Variants in TRIM56 observed in about 807,000 individuals in gnomAD.
The protein encoded by TRIM56 is tripartite motif containing 56.
In TRIM56, 10 loss-of-function variants were observed where a neutral mutation model predicts 17.1. That is an observed-to-expected ratio of 0.58 (90% CI 0.36 to 0.99). The LOEUF is 0.99. Ranked by LOEUF, TRIM56 falls within the 50% of genes least tolerant of loss-of-function variation. TRIM56 has a pLI of 0.01. For missense variants in TRIM56, 923 were observed against 1,052.3 expected (o/e 0.88, Z 1.70); for synonymous variants, 503 against 473.5 (o/e 1.06, Z -0.81).
rs762039935 is a variant in TRIM56, at chr7:101,088,642, C to T, written c.1330C>T (p.His444Tyr). Residue 444 changes from histidine (H) to tyrosine (Y), a missense_variant, in exon 3 of 3, where the codon CAC becomes TAC. Coordinates refer to ENST00000306085, the MANE Select transcript of TRIM56 (RefSeq NM_030961.3). ...TLEEDRAQTPHEDGGPQPHRG... is the reference protein window; with the variant it reads ...TLEEDRAQTPYEDGGPQPHRG... ...GGAGGAGGACAGGGCCCAGACACCCCACGAGGATGGAGGACCCCAGCCCCA... is the reference window on the plus strand; with the variant it reads ...GGAGGAGGACAGGGCCCAGACACCCTACGAGGATGGAGGACCCCAGCCCCA... 7 of 1,613,978 alleles carry T rather than the reference C, an allele frequency of 4.3e-6. No homozygotes were observed. The highest frequency in any genetic ancestry group is 3.3e-5 in the Admixed American group (2 of 60,016).
chr7:101,088,444 G>C lies in TRIM56; in HGVS notation c.1132G>C (p.Asp378His), dbSNP rs201302823. 2 of 1,613,566 alleles carry C rather than the reference G, an allele frequency of 1.2e-6. No individual in the cohort carries two copies. The highest frequency in any genetic ancestry group is 1.3e-5 in the African/African-American group (1 of 74,934). The change falls in exon 3 of 3, where the codon GAT becomes CAT. Residue 378 changes from aspartate (D) to histidine (H), a missense_variant. Coordinates refer to ENST00000306085, the MANE Select transcript of TRIM56 (RefSeq NM_030961.3). ...CTTTGAGGAGCAGCAGCCCCAGAAG[G>C]ATGGTGGGAAAGACGGAGCTGGTAC... ...LSFEEQQPQKDGGKDGAGTQG... is the reference protein window; with the variant it reads ...LSFEEQQPQKHGGKDGAGTQG...
chr7:101,087,462 TGGC>T lies in TRIM56; in HGVS notation c.154_156del (p.Gly52del). The T allele has an allele frequency of 6.2e-7, 1 of 1,613,356 alleles. No homozygotes were observed. The highest frequency in any genetic ancestry group is 1.7e-5 in the Admixed American group (1 of 60,012). ...AAGACTGCCTGGCACAGCTGGCGGA[TGGC>T]GGCCGCGTCCGCTGCCCCGAGTGCC... On this transcript the variant is annotated inframe_deletion, in exon 3 of 3. Coordinates refer to ENST00000306085, the MANE Select transcript of TRIM56 (RefSeq NM_030961.3).
rs912796035 is a variant in TRIM56, at chr7:101,091,045, T to A, written c.*1465T>A. 2.0e-5 allele frequency: 3 copies of A among 152,248 alleles called. No homozygotes were observed. The highest frequency in any genetic ancestry group is 7.2e-5 in the African/African-American group (3 of 41,436). The allele number at this position is 152,248 out of a possible 1,614,324, so 9.4% of individuals were successfully genotyped here. ...GAAAACCTAGAAGGTGCAATGGGGC[T>A]GCGACGGATAGAGGTGTCAAACCAG... On this transcript the variant is annotated 3_prime_UTR_variant, in exon 3 of 3. Transcript: ENST00000306085.
At chr7:101,085,765 G>C (rs908665406) in intron 1 of TRIM56, among the ~76,000 whole-genome samples, 194 bp downstream of exon 1, 1 of 152,042 alleles carries the variant, frequency 6.6e-6, no homozygotes, top group African/African-American at 2.4e-5. Flanking sequence ...ACAGGTCCCC[G>C]CAAGAAAGAC....
Position 101,087,866 on chromosome 7 carries a change from C to G in TRIM56, c.554C>G (p.Ser185Ter). The change falls in exon 3 of 3, where the codon TCA becomes TGA. Residue 185 changes from serine to a stop codon, truncating the protein, a stop_gained. Transcript: ENST00000306085. LOFTEE classifies it low-confidence loss of function (END_TRUNC). ...EALRFLCQPC[S>*]QLLCRECRLD... ...CTGCGCTTCCTGTGCCAGCCCTGCT[C>G]ACAGTTGCTGTGCAGAGAGTGCCGC... 2.5e-6 allele frequency: 4 copies of G among 1,605,978 alleles called. No individual in the cohort carries two copies. The highest frequency in any genetic ancestry group is 3.4e-6 in the Non-Finnish European group (4 of 1,177,858).
rs1795545660 is a variant in TRIM56 at position 101,090,612 on chromosome 7, AAAAAAAAAAAAAAAAAACAGAAAC to A, written c.*1035_*1058del. Reference sequence around the variant, plus strand: ...GCATTCCAGACCCCATCTCGAAAAAAAAAAAAAAAAAAAAAAACAGAAACAACAGAAAAAGCAGGTTATCCATCA... The same window carrying A: ...GCATTCCAGACCCCATCTCGAAAAAAAACAGAAAAAGCAGGTTATCCATCA... On this transcript the variant is annotated 3_prime_UTR_variant, in exon 3 of 3. Transcript: ENST00000306085. The A allele has an allele frequency of 6.7e-6, 1 of 150,208 alleles. No individual in the cohort carries two copies. The highest frequency in any genetic ancestry group is 6.6e-5 in the Admixed American group (1 of 15,040). 9.3% of individuals were successfully genotyped at this position (150,208 alleles called of 1,614,324 possible). A position where few individuals can be genotyped will look rare whatever the true frequency, so the allele number is the denominator to read the frequency against.
rs1795643146 is a variant in TRIM56, at chr7:101,095,627, C to T, written c.*6047C>T. The T allele has an allele frequency of 6.6e-6, 1 of 152,130 alleles. No individual in the cohort carries two copies. The highest frequency in any genetic ancestry group is 1.5e-5 in the Non-Finnish European group (1 of 68,024). The allele number at this position is 152,130 out of a possible 1,614,324, so 9.4% of individuals were successfully genotyped here. On this transcript the variant is annotated 3_prime_UTR_variant, in exon 3 of 3. Transcript: ENST00000306085. Reference sequence around the variant, plus strand: ...CGTCACCTGGCTGCAAGAAGATAGTCCCACAGGCGCCCTAGAGATGGGGAT... The same window carrying T: ...CGTCACCTGGCTGCAAGAAGATAGTTCCACAGGCGCCCTAGAGATGGGGAT...
rs1795533902 is a variant in TRIM56 at position 101,089,880 on chromosome 7, T to G, written c.*300T>G. 2 of 339,988 alleles carry G rather than the reference T, an allele frequency of 5.9e-6. No individual in the cohort carries two copies. Among genetic ancestry groups the G allele is most frequent in the Non-Finnish European group, 1.1e-5 (2 of 174,466 alleles). The allele number at this position is 339,988 out of a possible 1,614,324, so 21.1% of individuals were successfully genotyped here. ...CCACCACCGCCGCTGCTATATAGTT[T>G]AGGTTTCTGAGGTTTGTGAGCCTGT... On this transcript the variant is annotated 3_prime_UTR_variant, in exon 3 of 3. Coordinates refer to ENST00000306085, the MANE Select transcript of TRIM56 (RefSeq NM_030961.3).
In TRIM56 at chr7:101,087,831, C is replaced by T. The variant is rs145410552; in HGVS notation, c.519C>T (p.Pro173=). 1.5e-3 allele frequency: 2,332 copies of T among 1,603,680 alleles called. 3 individuals carry two copies. Among genetic ancestry groups the T allele is most frequent in the African/African-American group, 2.0e-3 (152 of 74,932 alleles). The change falls in exon 3 of 3, where the codon CCC becomes CCT. Residue 173 remains proline (P), a synonymous_variant. Transcript: ENST00000306085. The part of the protein sequence containing the change: ...ERQAAQCPQH[P]GEALRFLCQP... ...AAGCGGCCCAGTGTCCCCAGCACCC[C>T]GGGGAGGCACTGCGCTTCCTGTGCC...
Position 101,089,688 on chromosome 7 carries a change from T to C in TRIM56, c.*108T>C, listed in dbSNP as rs1487323653. 1 of 1,119,602 alleles carries C rather than the reference T, an allele frequency of 8.9e-7. No homozygotes were observed. Among genetic ancestry groups the C allele is most frequent in the East Asian group, 2.6e-5 (1 of 38,464 alleles). The allele number at this position is 1,119,602 out of a possible 1,614,324, so 69.4% of individuals were successfully genotyped here. A position where few individuals can be genotyped will look rare whatever the true frequency, so the allele number is the denominator to read the frequency against. On this transcript the variant is annotated 3_prime_UTR_variant, in exon 3 of 3. Transcript: ENST00000306085. ...GGACATTTTCCTGAAGGGCAGGGGT[T>C]GGCAACTTTTCAACATGGAGTGCCA...
At position 101,091,460 on chromosome 7, in the gene TRIM56, C is replaced by T. The variant is rs1479852311; in HGVS notation, c.*1880C>T. Reference sequence around the variant, plus strand: ...GAAAACCAAGCGCCAGGCACGGTGACTCAAGCCTGTAATCCCAGCACTCTG... The same window carrying T: ...GAAAACCAAGCGCCAGGCACGGTGATTCAAGCCTGTAATCCCAGCACTCTG... On this transcript the variant is annotated 3_prime_UTR_variant, in exon 3 of 3. Coordinates refer to ENST00000306085, the MANE Select transcript of TRIM56 (RefSeq NM_030961.3). 1 of 215,408 alleles carries T rather than the reference C, an allele frequency of 4.6e-6. No homozygotes were observed. The highest frequency in any genetic ancestry group is 5.3e-5 in the Admixed American group (1 of 18,732). The allele number at this position is 215,408 out of a possible 1,614,324, so 13.3% of individuals were successfully genotyped here.
At position 101,087,908 on chromosome 7, in the gene TRIM56, A is replaced by T; in HGVS notation, c.596A>T (p.Asp199Val). 1 of 1,601,992 alleles carries T rather than the reference A, an allele frequency of 6.2e-7. No homozygotes were observed. The highest frequency in any genetic ancestry group is 1.1e-5 in the South Asian group (1 of 90,090). Residue 199 changes from aspartate (D) to valine (V), a missense_variant, in exon 3 of 3, where the codon GAC (aspartate) becomes GTC (valine). Physicochemically the swap from Asp to Val is radical, Grantham distance 152. Around this residue, in one of 3 missense-constraint regions of TRIM56, gnomAD observed 643 missense variants for 665.6 expected, o/e 0.97. Transcript: ENST00000306085. ...GAGTGCCGCCTAGACCCCCACCTGG[A>T]CCACCCCTGCCTGCCTCTGGCTGAA... ...CRECRLDPHL[D>V]HPCLPLAEAV... is the part of the protein sequence containing the mutation.
rs1356730952 is a variant in TRIM56, at chr7:101,089,350, C to T, written c.2038C>T (p.Gln680Ter). Residue 680 changes from glutamine (Q) to a stop codon, truncating the protein, a stop_gained, in exon 3 of 3, where the codon CAG (glutamine) becomes TAG (stop). Transcript: ENST00000306085. LOFTEE classifies it high-confidence loss of function. ...EYKGPGLHGC[Q>*]PGSVSVDKKG... ...CAAGGGGCCAGGCCTGCATGGCTGC[C>T]AGCCGGGCTCCGTGTCTGTGGATAA... 2 of 1,608,142 alleles carry T rather than the reference C, an allele frequency of 1.2e-6. No homozygotes were observed. The highest frequency in any genetic ancestry group is 1.7e-6 in the Non-Finnish European group (2 of 1,175,490).
Position 101,089,855 on chromosome 7 carries a change from C to T in TRIM56, c.*275C>T. ...TCTTGCTTTTTGTGGGTGGCTGCTG[C>T]CACCACCGCCGCTGCTATATAGTTT... On this transcript the variant is annotated 3_prime_UTR_variant, in exon 3 of 3. Transcript: ENST00000306085. 2.4e-6 allele frequency: 1 copy of T among 420,950 alleles called. No homozygotes were observed. The highest frequency in any genetic ancestry group is 4.0e-5 in the South Asian group (1 of 25,132). 26.1% of individuals were successfully genotyped at this position (420,950 alleles called of 1,614,324 possible). A position where few individuals can be genotyped will look rare whatever the true frequency, so the allele number is the denominator to read the frequency against.
rs952793133 is a variant in TRIM56 at position 101,086,326 on chromosome 7, C to T, written c.-164-680C>T. On this transcript the variant is annotated intron_variant, in intron 1 of 2. Coordinates refer to ENST00000306085, the MANE Select transcript of TRIM56 (RefSeq NM_030961.3). ...CTATAATCCCAGCACTTTGGGAGAC[C>T]GAGGAGGGCGGATCACCTGAGGTCA... Among the ~76,000 whole-genome samples the T allele has an allele frequency of 8.6e-5, 13 of 151,470 alleles. No individual in the cohort carries two copies. In the East Asian group the frequency reaches 1.8e-3, roughly 21 times the overall value.
In TRIM56 at chr7:101,087,089, A is replaced by T. The variant is rs1036225183; in HGVS notation, c.-81A>T. The stretch of plus-strand genomic sequence containing the variant: ...CACGGAAGTGGAGGAGGAGGAGGAG[A>T]AGGAGGAGGGCAGCTCCTTAGCTCA... On this transcript the variant is annotated 5_prime_UTR_variant, in exon 2 of 3. Transcript: ENST00000306085. 2.3e-5 allele frequency: 13 copies of T among 556,410 alleles called. No individual in the cohort carries two copies. Among genetic ancestry groups the T allele is most frequent in the Non-Finnish European group, 4.1e-5 (13 of 314,974 alleles). 34.5% of individuals were successfully genotyped at this position (556,410 alleles called of 1,614,324 possible). A position where few individuals can be genotyped will look rare whatever the true frequency, so the allele number is the denominator to read the frequency against.
chr7:101,087,524 C>G lies in TRIM56; in HGVS notation c.212C>G (p.Ala71Gly). ...GTGCCTGTGCCGCCCGAGGGTGTGG[C>G]CTCCTTCAAGACCAACTTCTTCGTC... Reference protein sequence around the residue: ...ETVPVPPEGVASFKTNFFVNG... With the variant: ...ETVPVPPEGVGSFKTNFFVNG... Residue 71 changes from alanine (A) to glycine (G), a missense_variant, in exon 3 of 3, where the codon GCC (alanine) becomes GGC (glycine). By Grantham distance (60) the Ala-to-Gly change is moderately conservative. Transcript: ENST00000306085. The G allele has an allele frequency of 6.2e-7, 1 of 1,613,360 alleles. No individual in the cohort carries two copies.
In TRIM56 at chr7:101,089,484, G is replaced by T; in HGVS notation, c.2172G>T (p.Lys724Asn). Residue 724 changes from lysine to asparagine, a missense_variant, in exon 3 of 3, where the codon AAG becomes AAT. Lys to Asn is a moderately conservative substitution (Grantham distance 94, BLOSUM62 0). This residue lies in a region of TRIM56 where 182 missense variants were observed against 243.1 expected (regional missense o/e 0.75). Coordinates refer to ENST00000306085, the MANE Select transcript of TRIM56 (RefSeq NM_030961.3). ...DFLTAYHGLEKPRVTTMVDGR... is the reference protein window; with the variant it reads ...DFLTAYHGLENPRVTTMVDGR... Reference sequence around the variant, plus strand: ...TGACAGCCTACCACGGCCTGGAAAAGCCCCGGGTTACCACCATGGTGGATG... The same window carrying T: ...TGACAGCCTACCACGGCCTGGAAAATCCCCGGGTTACCACCATGGTGGATG... 1 of 1,614,260 alleles carries T rather than the reference G, an allele frequency of 6.2e-7. No homozygotes were observed. Among genetic ancestry groups the T allele is most frequent in the Non-Finnish European group, 8.5e-7 (1 of 1,180,046 alleles).
chr7:101,095,832 G>C lies in TRIM56; in HGVS notation c.*6252G>C, dbSNP rs1052064966. ...ATTTGGAGGTAAAATCTCCAACACC[G>C]TAACTGAGTGGCCTGGGGACCTGAT... On this transcript the variant is annotated 3_prime_UTR_variant, in exon 3 of 3. Coordinates refer to ENST00000306085, the MANE Select transcript of TRIM56 (RefSeq NM_030961.3). 6.6e-6 allele frequency: 1 copy of C among 152,230 alleles called. No homozygotes were observed. The highest frequency in any genetic ancestry group is 2.4e-5 in the African/African-American group (1 of 41,444). 9.4% of individuals were successfully genotyped at this position (152,230 alleles called of 1,614,324 possible).
Sources: allele counts gnomAD v4.1 joint callset (sites outside exome capture counted in the v4.1 genomes callset), GRCh38; gene constraint gnomAD v4.1.1; regional missense constraint gnomAD v4.1.1; transcripts MANE v1.5; gene names NCBI Gene and HGNC (gene_info 2026-07-23, HGNC 2026-07-21).